Variants in TSNARE1 observed in about 807,000 individuals in gnomAD.
TSNARE1 encodes t-SNARE domain-containing protein 1.
In TSNARE1, 49 loss-of-function variants were observed where a neutral mutation model predicts 62.0. That is an observed-to-expected ratio of 0.79 (90% CI 0.63 to 1.00). The LOEUF is 1.00. Among genes scored for constraint, TSNARE1 ranks in the 50% least tolerant of loss-of-function variants. TSNARE1 has a pLI of 0.00. For missense variants in TSNARE1, 755 were observed against 700.1 expected, an observed-to-expected ratio of 1.08 and a Z score of -0.88; for synonymous variants, 328 against 294.4, an observed-to-expected ratio of 1.11 and a Z score of -1.17.
intron 12 of TSNARE1, chr8:142,271,602 A>T (rs1044446694): frequency 2.1e-6 from 3 of 1,432,012 alleles, no homozygotes; most frequent in Non-Finnish European, 2.7e-6. Flanking sequence ...ACTCCTCGTA[A>T]GTCCAGGGGG....
chr8:142,277,001 T>C lies in TSNARE1; in HGVS notation c.1364-2138A>G, dbSNP rs1034820625. 3.0e-6 allele frequency: 3 copies of C among 985,358 alleles called. No homozygotes were observed. The African/African-American group carries it at 5.2e-5, about 17-fold the overall frequency. The allele number at this position is 985,358 out of a possible 1,614,324, so 61.0% of individuals were successfully genotyped here. On this transcript the variant is annotated intron_variant, in intron 11 of 13. Coordinates refer to ENST00000524325, the MANE Select transcript of TSNARE1 (RefSeq NM_145003.5). Reference sequence around the variant, plus strand: ...AGGGGAGGGGGGCTGCTCCCGGTGCTGTGCGGCCGCGTGTTGCTCGTGGGG... The same window carrying C: ...AGGGGAGGGGGGCTGCTCCCGGTGCCGTGCGGCCGCGTGTTGCTCGTGGGG...
chr8:142,285,045 C>T (rs556206408), intron 10 of TSNARE1, among the ~76,000 whole-genome samples: 2 of 152,120 alleles, frequency 1.3e-5, no homozygotes, highest in Admixed American at 1.3e-4. Context: ...GATGGACGAA[C>T]GGGTTCAGGG....
chr8:142,276,775 CCTG>C (rs1820573669), intron 11 of TSNARE1: 2 of 985,420 alleles, frequency 2.0e-6, no homozygotes, highest in African/African-American at 3.5e-5. Context: ...GGACTGATGT[CCTG>C]CTGCTCCAGG....
chr8:142,212,578 C>G (rs765532758), intron 13 of TSNARE1, among the ~76,000 whole-genome samples: 10 of 152,072 alleles, frequency 6.6e-5, no homozygotes, highest in African/African-American at 9.7e-5. Flanking sequence ...CATCCCTGCC[C>G]AGTCCATCCT....
intron 11 of TSNARE1, chr8:142,277,372 C>T (rs1020338553): frequency 8.0e-5 from 79 of 985,320 alleles, no homozygotes; most frequent in Non-Finnish European, 9.3e-5. Context: ...GCCCTCAGGG[C>T]ACAGGGACCC....
chr8:142,318,547 G>T lies in TSNARE1; in HGVS notation c.981C>A (p.Cys327Ter). 6.2e-7 allele frequency: 1 copy of T among 1,612,504 alleles called. No homozygotes were observed. The change falls in exon 7 of 14, where the codon TGC (cysteine) becomes TGA (stop). Residue 327 changes from cysteine (C) to a stop codon, truncating the protein, a stop_gained. Transcript: ENST00000524325. LOFTEE classifies it high-confidence loss of function. ...GCCCCAGACCCCAGGAACATACCGG[G>T]CAGGAGCTGCGCAGCAGCTCGGCCA... ...KQMAELLRSS[C>*]PQERLQQERP... is the part of the protein sequence containing the mutation.
rs541659104 is a variant in TSNARE1 at position 142,382,790 on chromosome 8, T to C, written c.-40+20314A>G. Reference sequence around the variant, plus strand: ...CCTGCCTAGGGCCAGTGGCCGTCACTTCAGTGAGCTCCCAGGTCTGTGCGG... The same window carrying C: ...CCTGCCTAGGGCCAGTGGCCGTCACCTCAGTGAGCTCCCAGGTCTGTGCGG... On this transcript the variant is annotated intron_variant, in intron 1 of 13. Transcript: ENST00000524325. Among the ~76,000 whole-genome samples, 95 of 152,364 alleles carry C rather than the reference T, an allele frequency of 6.2e-4. 2 individuals are homozygous for C. The South Asian group carries it at 0.019, about 31-fold the overall frequency.
intron 12 of TSNARE1, chr8:142,271,678 GTCC>G: frequency 2.2e-6 from 3 of 1,381,744 alleles, no homozygotes; most frequent in Non-Finnish European, 2.8e-6. Flanking sequence ...TGGGGGTCTC[GTCC>G]TCCTCATCAG....
At chr8:142,364,204 C>T (rs1386877372) in intron 1 of TSNARE1, among the ~76,000 whole-genome samples, 14 of 152,198 alleles carry the variant, frequency 9.2e-5, no homozygotes, top group Non-Finnish European at 2.1e-4. Flanking sequence ...GAGGTCTGCC[C>T]TCATGGCAGT....
At chr8:142,298,760 G>A (rs985760243) in intron 10 of TSNARE1, among the ~76,000 whole-genome samples, 5 of 152,186 alleles carry the variant, frequency 3.3e-5, no homozygotes, top group East Asian at 3.9e-4. Flanking sequence ...TGAGCCGCCC[G>A]AGGGGCTGTG....
intron 11 of TSNARE1, among the ~76,000 whole-genome samples, chr8:142,282,117 G>A (rs999695502): frequency 7.9e-5 from 12 of 152,210 alleles, no homozygotes; most frequent in Admixed American, 6.5e-5. Context: ...GCTGGGAGGT[G>A]CCCTGGCTTG....
chr8:142,320,622 C>T (rs934572213), intron 6 of TSNARE1, among the ~76,000 whole-genome samples: 1 of 152,188 alleles, frequency 6.6e-6, no homozygotes, highest in African/African-American at 2.4e-5. Flanking sequence ...CTCTGCTGCT[C>T]CTGAATGAGC....
chr8:142,357,317 C>T (rs1030185773), intron 1 of TSNARE1, among the ~76,000 whole-genome samples: 4 of 152,178 alleles, frequency 2.6e-5, no homozygotes, highest in African/African-American at 9.7e-5. Flanking sequence ...GCACTCAAAC[C>T]CCAGGTGGGG....
intron 12 of TSNARE1, among the ~76,000 whole-genome samples, chr8:142,249,230 G>A (rs971677833): frequency 1.3e-5 from 2 of 152,242 alleles, no homozygotes; most frequent in African/African-American, 2.4e-5. Context: ...CCCCAGGGAC[G>A]TCATCCGGAC....
intron 9 of TSNARE1, among the ~76,000 whole-genome samples, 180 bp downstream of exon 9, chr8:142,314,204 C>G (rs1463224400): frequency 6.6e-6 from 1 of 152,260 alleles, no homozygotes; most frequent in African/African-American, 2.4e-5. Context: ...GAGCCCTTGT[C>G]AGGCACTGTG....
rs1820926858 is a variant in TSNARE1, at chr8:142,278,815, G to T, written c.1364-3952C>A. On this transcript the variant is annotated intron_variant, in intron 11 of 13. Transcript: ENST00000524325. ...GGGCTTCCAAGTGGGCCCAGAGGGA[G>T]GGGCCTGCAGAAGGAGGGGGAGGCC... The T allele has an allele frequency of 3.0e-6, 3 of 985,248 alleles. No homozygotes were observed. In the African/African-American group the frequency reaches 5.2e-5, roughly 17 times the overall value. 61.0% of individuals were successfully genotyped at this position (985,248 alleles called of 1,614,324 possible).
chr8:142,269,017 C>T (rs1474602249), intron 12 of TSNARE1, among the ~76,000 whole-genome samples: 1 of 152,258 alleles, frequency 6.6e-6, no homozygotes, highest in Non-Finnish European at 1.5e-5. Flanking sequence ...TATGTACTGA[C>T]TTGCTTAGTA....
chr8:142,282,463 G>A (rs1454018091), intron 11 of TSNARE1, among the ~76,000 whole-genome samples: 4 of 151,904 alleles, frequency 2.6e-5, no homozygotes, highest in Non-Finnish European at 4.4e-5. Context: ...ATGAGCAAAG[G>A]GGAGGCCACT....
chr8:142,271,654 C>A, intron 12 of TSNARE1: 2 of 1,396,118 alleles, frequency 1.4e-6, no homozygotes, highest in South Asian at 1.6e-5. Context: ...ACCTCAGGGG[C>A]AGCCACAAGC....
Sources: gnomAD v4.1 joint callset for allele counts (sites outside exome capture counted in the v4.1 genomes callset) on GRCh38, gnomAD v4.1.1 for gene constraint, MANE v1.5 for transcripts, NCBI Gene and HGNC (gene_info 2026-07-23, HGNC 2026-07-21) for gene names.